SORCS2: variants seen among roughly 807,000 people sequenced by gnomAD.
SORCS2 encodes the protein sortilin related VPS10 domain containing receptor 2, also known as VPS10 domain-containing receptor SorCS2.
SORCS2 carries 100 observed loss-of-function variants against 141.6 expected under a neutral mutation model. The observed-to-expected ratio is 0.71, with a 90% CI of 0.60 to 0.83. SORCS2 has a LOEUF of 0.83. Ranked by LOEUF, SORCS2 falls within the 40% of genes least tolerant of loss-of-function variation. The probability of loss-of-function intolerance (pLI) is 0.00; values close to 1 mark genes in which losing one functional copy is unlikely to be tolerated. For missense variants in SORCS2, 1,646 were observed against 1,560.2 expected (o/e 1.05, Z -0.93); for synonymous variants, 789 against 676.9 (o/e 1.17, Z -2.57).
intron 1 of SORCS2, among the ~76,000 whole-genome samples, chr4:7,316,199 C>T (rs1718538294): frequency 6.7e-6 from 1 of 150,276 alleles, no homozygotes; most frequent in African/African-American, 2.4e-5. Flanking sequence ...TCCACCCATC[C>T]AGCTAGCTTT....
intron 1 of SORCS2, among the ~76,000 whole-genome samples, chr4:7,308,262 C>T (rs1375687164): frequency 6.6e-6 from 1 of 152,172 alleles, no homozygotes; most frequent in African/African-American, 2.4e-5. Flanking sequence ...GGTGGGGCCT[C>T]AAGGCAGTAG....
chr4:7,221,981 A>G (rs1457642033), intron 1 of SORCS2, among the ~76,000 whole-genome samples: 1 of 152,118 alleles, frequency 6.6e-6, no homozygotes, highest in South Asian at 2.1e-4. Flanking sequence ...ACAAGTTCAG[A>G]TGGGGCTGAG....
At chr4:7,296,811 C>T (rs182338110) in intron 1 of SORCS2, among the ~76,000 whole-genome samples, 2 of 152,190 alleles carry the variant, frequency 1.3e-5, no homozygotes, top group East Asian at 3.9e-4. Flanking sequence ...AACACACATA[C>T]ACACACTGCG....
intron 1 of SORCS2, among the ~76,000 whole-genome samples, chr4:7,388,968 G>A (rs538718080): frequency 6.6e-5 from 10 of 152,226 alleles, no homozygotes; most frequent in Non-Finnish European, 1.3e-4. Flanking sequence ...ACAGCACTTC[G>A]ATGGAATAGC....
At chr4:7,204,052 T>G (rs1727612272) in intron 1 of SORCS2, among the ~76,000 whole-genome samples, 1 of 152,216 alleles carries the variant, frequency 6.6e-6, no homozygotes, top group Non-Finnish European at 1.5e-5. Context: ...ATTTCCTTTC[T>G]TCATGCATCT....
intron 3 of SORCS2, among the ~76,000 whole-genome samples, chr4:7,556,961 A>G (rs1478374362): frequency 7.7e-6 from 1 of 130,668 alleles, no homozygotes; most frequent in African/African-American, 3.0e-5. Context: ...TCACATATCC[A>G]TTCATCCAAC....
intron 3 of SORCS2, among the ~76,000 whole-genome samples, chr4:7,537,120 G>C (rs556757554): frequency 8.5e-5 from 13 of 152,328 alleles, no homozygotes; most frequent in African/African-American, 3.1e-4. Flanking sequence ...GCTTGGCTGG[G>C]GGCTAGAAAT....
intron 3 of SORCS2, among the ~76,000 whole-genome samples, chr4:7,633,602 T>C (rs532694447): frequency 1.4e-4 from 20 of 141,858 alleles, no homozygotes; most frequent in Non-Finnish European, 2.4e-4. Flanking sequence ...CCTTCATTCA[T>C]GTGCAAAACT....
At chr4:7,512,213 C>T (rs1732701004) in intron 2 of SORCS2, among the ~76,000 whole-genome samples, 1 of 152,168 alleles carries the variant, frequency 6.6e-6, no homozygotes, top group Admixed American at 6.5e-5. Flanking sequence ...AGTCACTCAT[C>T]AACCCATCAG....
chr4:7,484,684 T>C (rs1490124203), intron 2 of SORCS2, among the ~76,000 whole-genome samples: 1 of 152,054 alleles, frequency 6.6e-6, no homozygotes, highest in Non-Finnish European at 1.5e-5. Flanking sequence ...AACAAAATGA[T>C]CCTCTCTTTA....
chr4:7,342,105 T>C (rs1720401000), intron 1 of SORCS2, among the ~76,000 whole-genome samples: 1 of 152,254 alleles, frequency 6.6e-6, no homozygotes, highest in African/African-American at 2.4e-5. Context: ...CATTTGTTGA[T>C]GAACAATTGT....
At chr4:7,488,903 C>G (rs1186594480) in intron 2 of SORCS2, among the ~76,000 whole-genome samples, 1 of 152,240 alleles carries the variant, frequency 6.6e-6, no homozygotes, top group Non-Finnish European at 1.5e-5. Flanking sequence ...GCTAAGTCCC[C>G]CTGTGCCATT....
chr4:7,539,685 C>CGTTATGGAGGCCCCGCCCCCT (rs1712418741), intron 3 of SORCS2, among the ~76,000 whole-genome samples: 2 of 152,184 alleles, frequency 1.3e-5, no homozygotes, highest in East Asian at 1.9e-4. Context: ...CCCCGACCCC[C>CGTTATGGAGGCCCCGCCCCCT]GTTATGGAGG....
At chr4:7,298,611 C>T (rs1045850125) in intron 1 of SORCS2, among the ~76,000 whole-genome samples, 2 of 152,150 alleles carry the variant, frequency 1.3e-5, no homozygotes, top group African/African-American at 2.4e-5. Flanking sequence ...GCCGCTCCCA[C>T]GGTGACGGGA....
At chr4:7,418,223 TC>T (rs1308969738) in intron 2 of SORCS2, among the ~76,000 whole-genome samples, 3 of 152,170 alleles carry the variant, frequency 2.0e-5, no homozygotes, top group Non-Finnish European at 4.4e-5. Context: ...ACAGCCTCTG[TC>T]CCCATGGGGC....
intron 2 of SORCS2, among the ~76,000 whole-genome samples, chr4:7,483,173 A>C (rs942479478): frequency 1.3e-5 from 2 of 152,078 alleles, no homozygotes; most frequent in African/African-American, 4.8e-5. Context: ...AATACAAAAA[A>C]TTAGCCAGGC....
intron 2 of SORCS2, among the ~76,000 whole-genome samples, chr4:7,504,116 G>A (rs1732137724): frequency 6.6e-6 from 1 of 152,202 alleles, no homozygotes; most frequent in Non-Finnish European, 1.5e-5. Context: ...GGTAGGGCAG[G>A]GGCCTCTGTC....
chr4:7,708,410 C>T (rs1032361431), intron 14 of SORCS2, among the ~76,000 whole-genome samples: 12 of 152,160 alleles, frequency 7.9e-5, no homozygotes, highest in African/African-American at 2.9e-4. Context: ...CCCAAGAAGG[C>T]GAGGGCCCCC....
chr4:7,508,013 G>C (rs990400688), intron 2 of SORCS2, among the ~76,000 whole-genome samples: 1 of 151,460 alleles, frequency 6.6e-6, no homozygotes, highest in Non-Finnish European at 1.5e-5. Flanking sequence ...ACAAAAATCA[G>C]TGGGTAAAGT....
Sources: gnomAD v4.1 joint callset for allele counts (sites outside exome capture counted in the v4.1 genomes callset) on GRCh38, gnomAD v4.1.1 for gene constraint, MANE v1.5 for transcripts, NCBI Gene and HGNC (gene_info 2026-07-23, HGNC 2026-07-21) for gene names.